The following CALN1 variants were observed in gnomAD, a reference collection of about 807,000 sequenced individuals.
CALN1 encodes calneuron 1.
CALN1 carries 17 observed loss-of-function variants against 30.6 expected under a neutral mutation model. The ratio of observed to expected loss-of-function variants is 0.56; its 90% confidence interval spans 0.38 to 0.83. The LOEUF is 0.83. CALN1 is among the 40% of genes least tolerant of loss of function. CALN1 has a pLI of 0.00. For missense variants in CALN1, 291 were observed against 354.9 expected, an observed-to-expected ratio of 0.82 and a Z score of 1.45; for synonymous variants, 156 against 131.4, an observed-to-expected ratio of 1.19 and a Z score of -1.28.
At chr7:72,219,242 A>G (rs920203794) in intron 3 of CALN1, among the ~76,000 whole-genome samples, 3 of 152,080 alleles carry the variant, frequency 2.0e-5, no homozygotes, top group African/African-American at 7.2e-5. Flanking sequence ...CATTTTCTTA[A>G]GAGACAAGGT....
intron 4 of CALN1, among the ~76,000 whole-genome samples, chr7:72,090,661 G>A (rs1056713880): frequency 6.6e-6 from 1 of 152,160 alleles, no homozygotes; most frequent in Non-Finnish European, 1.5e-5. Flanking sequence ...CAATAGCTAA[G>A]ATATGAAATC....
At chr7:72,346,996 G>A (rs913693907) in intron 2 of CALN1, among the ~76,000 whole-genome samples, 1 of 152,122 alleles carries the variant, frequency 6.6e-6, no homozygotes, top group Non-Finnish European at 1.5e-5. Flanking sequence ...TGGGAATAGA[G>A]AAAAGAGAGT....
chr7:72,289,593 C>T (rs1183143055), intron 2 of CALN1, among the ~76,000 whole-genome samples: 1 of 152,100 alleles, frequency 6.6e-6, no homozygotes, highest in Non-Finnish European at 1.5e-5. Flanking sequence ...TACCACTAAA[C>T]ATGGATTTGG....
At chr7:72,380,173 G>C (rs544180346) in intron 2 of CALN1, among the ~76,000 whole-genome samples, 1 of 152,118 alleles carries the variant, frequency 6.6e-6, no homozygotes, top group South Asian at 2.1e-4. Flanking sequence ...ATTCCACTTA[G>C]GTTCCACAGC....
chr7:72,206,759 A>C (rs549923384), intron 3 of CALN1, among the ~76,000 whole-genome samples: 68 of 152,176 alleles, frequency 4.5e-4, no homozygotes, highest in African/African-American at 1.6e-3. Flanking sequence ...CTCCTTTCAC[A>C]TTGCAGATTT....
At chr7:72,093,303 A>C (rs1343788308) in intron 4 of CALN1, among the ~76,000 whole-genome samples, 1 of 152,192 alleles carries the variant, frequency 6.6e-6, no homozygotes, top group African/African-American at 2.4e-5. Flanking sequence ...AGCATGAAGA[A>C]TTTTAGCAAT....
At chr7:72,230,057 C>T (rs563939787) in intron 3 of CALN1, among the ~76,000 whole-genome samples, 6 of 151,986 alleles carry the variant, frequency 3.9e-5, no homozygotes, top group African/African-American at 7.2e-5. Flanking sequence ...AGGGGAATGG[C>T]GTGAACCCAG....
intron 4 of CALN1, among the ~76,000 whole-genome samples, chr7:72,040,407 C>T (rs1802054666): frequency 6.6e-6 from 1 of 151,898 alleles, no homozygotes. Flanking sequence ...ATCGCTTGAT[C>T]CTGGGAAGTT....
At chr7:71,992,082 A>AC (rs1798983479) in intron 5 of CALN1, among the ~76,000 whole-genome samples, 1 of 151,904 alleles carries the variant, frequency 6.6e-6, no homozygotes, top group African/African-American at 2.4e-5. Flanking sequence ...ATCAGGGAAG[A>AC]CCCCTTCTCT....
chr7:71,864,804 C>A (rs1279797232), intron 5 of CALN1, among the ~76,000 whole-genome samples: 1 of 152,092 alleles, frequency 6.6e-6, no homozygotes, highest in Non-Finnish European at 1.5e-5. Context: ...GAGTTTGAGA[C>A]CAGCCTGGCC....
At position 72,076,100 on chromosome 7, in the gene CALN1, C is replaced by A. The variant is rs138532893; in HGVS notation, c.388+30051G>T. On this transcript the variant is annotated intron_variant, in intron 4 of 6. Coordinates refer to ENST00000395275, the MANE Select transcript of CALN1 (RefSeq NM_031468.4). ...ATAGAGAAGCAAGCTCAGTGAAAAT[C>A]TTCAGGGGTGCAAAGCTCACAGTGG... 4.6e-5 allele frequency among the ~76,000 whole-genome samples: 7 copies of A among 152,176 alleles called. No individual in the cohort carries two copies. The East Asian group carries it at 1.4e-3, about 29-fold the overall frequency.
At chr7:72,046,075 G>C (rs1254688942) in intron 4 of CALN1, among the ~76,000 whole-genome samples, 2 of 151,664 alleles carry the variant, frequency 1.3e-5, no homozygotes, top group East Asian at 3.9e-4. Flanking sequence ...CACTTTGGGA[G>C]GCTGAGGCAG....
At chr7:72,418,779 G>A (rs1201876911) in intron 1 of CALN1, among the ~76,000 whole-genome samples, 1 of 152,170 alleles carries the variant, frequency 6.6e-6, no homozygotes, top group African/African-American at 2.4e-5. Context: ...CAGAGGGCAA[G>A]GTGGGAGGAT....
intron 2 of CALN1, among the ~76,000 whole-genome samples, chr7:72,399,661 G>A (rs777702538): frequency 6.6e-6 from 1 of 152,096 alleles, no homozygotes; most frequent in Non-Finnish European, 1.5e-5. Context: ...AGCCTTAATA[G>A]CAAATACTTT....
chr7:72,447,866 C>T (rs1025573106), upstream of CALN1, among the ~76,000 whole-genome samples: 5 of 152,032 alleles, frequency 3.3e-5, no homozygotes, highest in Non-Finnish European at 7.4e-5. Flanking sequence ...CCCATGCACA[C>T]ACACATGCCT....
At chr7:72,413,053 G>A (rs12540434), upstream of CALN1, among the ~76,000 whole-genome samples, 23 of 152,144 alleles carry the variant, frequency 1.5e-4, no homozygotes, top group South Asian at 2.1e-4. Flanking sequence ...GGGCTCACCC[G>A]GGGGGTTTGC....
At chr7:72,140,614 G>T (rs1457175844) in intron 3 of CALN1, among the ~76,000 whole-genome samples, 4 of 152,238 alleles carry the variant, frequency 2.6e-5, no homozygotes, top group East Asian at 1.9e-4. Flanking sequence ...TGGCCAGTCT[G>T]GGCCTATGTG....
rs373904785 is a variant in CALN1 at position 72,272,328 on chromosome 7, G to A, written c.244+6358C>T. On this transcript the variant is annotated intron_variant, in intron 3 of 6. Transcript: ENST00000395275. The stretch of plus-strand genomic sequence containing the variant: ...TATAATTTCAGCACTTTGGGAGGTC[G>A]AGGCAGGTGGACCACCTGAGGTCAG... 3.3e-5 allele frequency among the ~76,000 whole-genome samples: 5 copies of A among 152,232 alleles called. No homozygotes were observed. In the South Asian group the frequency reaches 6.2e-4, roughly 19 times the overall value.
intron 4 of CALN1, among the ~76,000 whole-genome samples, chr7:72,096,090 TAA>T (rs1491241580): frequency 2.5e-4 from 35 of 141,098 alleles, no homozygotes; most frequent in African/African-American, 4.9e-4. Flanking sequence ...GATAGATAGA[TAA>T]AGATAGATAG....
Sources: allele counts gnomAD v4.1 joint callset (sites outside exome capture counted in the v4.1 genomes callset), GRCh38; gene constraint gnomAD v4.1.1; transcripts MANE v1.5; gene names NCBI Gene and HGNC (gene_info 2026-07-23, HGNC 2026-07-21).